The following RANBP2 variants were observed in gnomAD, a reference collection of about 807,000 sequenced individuals.
RANBP2 encodes the protein E3 SUMO-protein ligase RanBP2.
A neutral mutation model predicts 303.6 loss-of-function variants in RANBP2; 57 were observed. The observed-to-expected ratio is 0.19, with a 90% confidence interval of 0.15 to 0.23. The LOEUF (loss-of-function observed/expected upper bound fraction) is 0.23. Ranked by LOEUF, RANBP2 falls within the 10% of genes least tolerant of loss-of-function variation. RANBP2 has a pLI of 1.00. For missense variants in RANBP2, 3,138 were observed against 3,780.8 expected (o/e 0.83, Z 4.46); for synonymous variants, 1,167 against 1,301.5 (o/e 0.90, Z 2.23).
intron 25 of RANBP2, 36 bp from the exon 26 acceptor site, chr2:108,781,233 G>A: frequency 6.2e-7 from 1 of 1,605,950 alleles, no homozygotes; most frequent in Non-Finnish European, 8.5e-7. Context: ...GTAAAAAATA[G>A]ATACTAGTGT....
chr2:109,086,330 G>A, the RANBP2 span, among the ~76,000 whole-genome samples: 2 of 152,166 alleles, frequency 1.3e-5, no homozygotes, highest in Non-Finnish European at 2.9e-5. Context: ...AGGAGCTCCT[G>A]GAACTCTTGG....
the RANBP2 span, chr2:109,732,818 G>A: frequency 7.9e-7 from 1 of 1,266,306 alleles, no homozygotes; most frequent in Non-Finnish European, 1.1e-6. Flanking sequence ...AAGTGTGTGG[G>A]TTGCTAGAAA....
At chr2:109,501,962 G>A in the RANBP2 span, 1 of 363,578 alleles carries the variant, frequency 2.8e-6, no homozygotes, top group East Asian at 4.7e-5. Context: ...GCGCAGGCAG[G>A]CCTGTGGCTG....
chr2:109,731,574 T>C, the RANBP2 span, among the ~76,000 whole-genome samples: 2 of 151,990 alleles, frequency 1.3e-5, no homozygotes, highest in East Asian at 3.9e-4. Context: ...TTTGTATTTT[T>C]AGTAGAGACA....
At chr2:109,687,904 C>A in the RANBP2 span, among the ~76,000 whole-genome samples, 47 of 152,224 alleles carry the variant, frequency 3.1e-4, no homozygotes, top group Admixed American at 2.4e-3. Context: ...CCACCATGTC[C>A]AGTTAATTTT....
At chr2:109,207,013 G>T in the RANBP2 span, among the ~76,000 whole-genome samples, 2 of 152,292 alleles carry the variant, frequency 1.3e-5, no homozygotes, top group Admixed American at 1.3e-4. Context: ...ATTTGCAGGA[G>T]GTGAGAACCA....
chr2:108,766,140 A>G lies in RANBP2; in HGVS notation c.5601A>G (p.Glu1867=). 1 of 1,613,596 alleles carries G rather than the reference A, an allele frequency of 6.2e-7. No homozygotes were observed. The highest frequency in any genetic ancestry group is 8.5e-7 in the Non-Finnish European group (1 of 1,180,006). ...QGFKFGHVDQ[E]NSPSFMFQGS... Reference sequence around the variant, plus strand: ...TCAAATTTGGGCATGTGGATCAAGAAAATTCACCTTCATTTATGTTTCAGG... The same window carrying G: ...TCAAATTTGGGCATGTGGATCAAGAGAATTCACCTTCATTTATGTTTCAGG... Residue 1867 remains glutamate (E), a synonymous_variant, in exon 20 of 29, where the codon GAA becomes GAG. Coordinates refer to ENST00000283195, the MANE Select transcript of RANBP2 (RefSeq NM_006267.5).
chr2:109,213,167 T>G, the RANBP2 span, among the ~76,000 whole-genome samples: 23 of 152,126 alleles, frequency 1.5e-4, no homozygotes, highest in Middle Eastern at 3.2e-3. Context: ...TTAAACCACA[T>G]GGGCGCGGTT....
the RANBP2 span, among the ~76,000 whole-genome samples, chr2:109,408,927 G>A: frequency 6.6e-6 from 1 of 152,220 alleles, no homozygotes; most frequent in Non-Finnish European, 1.5e-5. Context: ...AAGGCCATGA[G>A]CGGAGGCCAT....
the RANBP2 span, among the ~76,000 whole-genome samples, chr2:109,591,840 T>C: frequency 6.6e-6 from 1 of 151,482 alleles, no homozygotes; most frequent in East Asian, 2.0e-4. Context: ...GTAGGTTGAG[T>C]GAGCCGAGAT....
At chr2:109,337,428 C>G in the RANBP2 span, among the ~76,000 whole-genome samples, 2 of 152,238 alleles carry the variant, frequency 1.3e-5, no homozygotes, top group East Asian at 3.9e-4. Flanking sequence ...GCGCCTTGCA[C>G]TGTGGCCACC....
the RANBP2 span, among the ~76,000 whole-genome samples, chr2:109,511,016 C>T: frequency 1.3e-5 from 2 of 152,204 alleles, no homozygotes; most frequent in African/African-American, 4.8e-5. Context: ...TTTTTGTCCT[C>T]ACATCAGGCT....
the RANBP2 span, among the ~76,000 whole-genome samples, chr2:108,832,131 G>A: frequency 1.3e-5 from 2 of 151,908 alleles, no homozygotes; most frequent in Non-Finnish European, 1.5e-5. Context: ...CTGGGTTCAA[G>A]CAGTTCTTCT....
chr2:109,475,781 T>G, the RANBP2 span, among the ~76,000 whole-genome samples: 1 of 152,242 alleles, frequency 6.6e-6, no homozygotes, highest in Admixed American at 6.5e-5. Context: ...TCACCCTGGT[T>G]GAATTCCTGG....
chr2:108,742,077 C>G (rs1427637900), intron 7 of RANBP2, among the ~76,000 whole-genome samples: 1 of 151,184 alleles, frequency 6.6e-6, no homozygotes, highest in East Asian at 2.0e-4. Flanking sequence ...CTCACTGCAA[C>G]CTCTGCCTTC....
Position 108,768,309 on chromosome 2 carries a change from T to C in RANBP2, c.7770T>C (p.Asp2590=), listed in dbSNP as rs1026962265. The change falls in exon 20 of 29, where the codon GAT becomes GAC. Residue 2590 remains aspartate (D), a synonymous_variant. Coordinates refer to ENST00000283195, the MANE Select transcript of RANBP2 (RefSeq NM_006267.5). The part of the protein sequence containing the change: ...SKNSDIEQSS[D]SKVKNLFASF... The stretch of plus-strand genomic sequence containing the variant: ...ACTCTGATATCGAACAGTCTTCAGA[T>C]AGCAAAGTCAAAAATCTCTTTGCTT... 2 of 1,612,028 alleles carry C rather than the reference T, an allele frequency of 1.2e-6. No homozygotes were observed. Among genetic ancestry groups the C allele is most frequent in the African/African-American group, 1.3e-5 (1 of 74,982 alleles).
chr2:108,947,219 T>C, the RANBP2 span, among the ~76,000 whole-genome samples: 2 of 152,232 alleles, frequency 1.3e-5, no homozygotes, highest in African/African-American at 4.8e-5. Flanking sequence ...ATCCAGGGCA[T>C]GCTGATGCAA....
chr2:109,341,155 AAG>A, the RANBP2 span, among the ~76,000 whole-genome samples: 2 of 152,224 alleles, frequency 1.3e-5, no homozygotes, highest in Admixed American at 6.5e-5. Flanking sequence ...GACAGAAGAA[AAG>A]AGGGGACAAA....
At chr2:109,121,797 A>G in the RANBP2 span, among the ~76,000 whole-genome samples, 3 of 151,992 alleles carry the variant, frequency 2.0e-5, no homozygotes, top group African/African-American at 7.3e-5. Flanking sequence ...TCCCTCTGGA[A>G]CTCTGTTTGA....
Sources: gnomAD v4.1 joint callset for allele counts (sites outside exome capture counted in the v4.1 genomes callset) on GRCh38, gnomAD v4.1.1 for gene constraint, MANE v1.5 for transcripts, NCBI Gene and HGNC (gene_info 2026-07-23, HGNC 2026-07-21) for gene names.